Variants in RIC1 observed in about 807,000 individuals in gnomAD.
RIC1 encodes the protein guanine nucleotide exchange factor subunit RIC1.
A neutral mutation model predicts 169.0 loss-of-function variants in RIC1; 88 were observed. The observed-to-expected ratio is 0.52, with a 90% CI of 0.44 to 0.62. The LOEUF (loss-of-function observed/expected upper bound fraction) is 0.62, where lower values mean the gene tolerates loss of function less well. Among genes scored for constraint, RIC1 ranks in the 20% least tolerant of loss-of-function variants. The pLI, the probability that RIC1 is intolerant of heterozygous loss-of-function variation, is 0.00. For missense variants in RIC1, 1,877 were observed against 1,725.5 expected, an observed-to-expected ratio of 1.09 and a Z score of -1.56; for synonymous variants, 790 against 601.5, an observed-to-expected ratio of 1.31 and a Z score of -4.59.
Position 5,692,663 on chromosome 9 carries a change from A to G in RIC1, c.332+2625A>G, listed in dbSNP as rs58470246. Among the ~76,000 whole-genome samples, 867 of 152,122 alleles carry G rather than the reference A, an allele frequency of 5.7e-3. 10 individuals carry two copies. Among genetic ancestry groups the G allele is most frequent in the African/African-American group, 0.02 (823 of 41,536 alleles). On this transcript the variant is annotated intron_variant, in intron 3 of 25. Transcript: ENST00000414202. The stretch of plus-strand genomic sequence containing the variant: ...GTTTCTTGGTTTTTCTGCAGAACCC[A>G]TTTGTACAATGGGAATAAAAATAAC...
intron 2 of RIC1, among the ~76,000 whole-genome samples, chr9:5,660,253 C>G (rs918327609): frequency 6.6e-6 from 1 of 152,156 alleles, no homozygotes; most frequent in Non-Finnish European, 1.5e-5. Context: ...TTCAGTCTAT[C>G]ATCGGGGGAC....
rs751577861 is a variant in RIC1 at position 5,629,362 on chromosome 9, C to G, written c.53C>G (p.Pro18Arg). 6.5e-7 allele frequency: 1 copy of G among 1,534,430 alleles called. No homozygotes were observed. Among genetic ancestry groups the G allele is most frequent in the Non-Finnish European group, 8.7e-7 (1 of 1,146,262 alleles). Residue 18 changes from proline (P) to arginine (R), a missense_variant, in exon 1 of 26, where the codon CCG (proline) becomes CGG (arginine). Physicochemically the swap from Pro to Arg is moderately radical, Grantham distance 103. This residue lies in a region of RIC1 where 1,104 missense variants were observed against 992.0 expected (regional missense o/e 1.11). Transcript: ENST00000414202. ...PKRLLCPLGS[P>R]AEAPFHVQSD... ...AGGCTGCTGTGCCCTCTGGGGAGCCCGGCCGAGGCGCCTTTCCACGTTCAG... is the reference window on the plus strand; with the variant it reads ...AGGCTGCTGTGCCCTCTGGGGAGCCGGGCCGAGGCGCCTTTCCACGTTCAG...
chr9:5,658,448 A>G (rs2130466827), intron 2 of RIC1, among the ~76,000 whole-genome samples: 1 of 152,222 alleles, frequency 6.6e-6, no homozygotes. Context: ...TTTTTGATAA[A>G]TTGACAGATG....
chr9:5,720,342 A>C lies in RIC1; in HGVS notation c.583+18A>C. 1 of 1,604,640 alleles carries C rather than the reference A, an allele frequency of 6.2e-7. No homozygotes were observed. Among genetic ancestry groups the C allele is most frequent in the Non-Finnish European group, 8.5e-7 (1 of 1,175,234 alleles). ...ATCTAGAGGTAGCTATACTTTCTACATGAGGTTGAACCAGTTGTTTAATGT... is the reference window on the plus strand; with the variant it reads ...ATCTAGAGGTAGCTATACTTTCTACCTGAGGTTGAACCAGTTGTTTAATGT... On this transcript the variant is annotated intron_variant, in intron 5 of 25. Transcript: ENST00000414202.
chr9:5,762,414 C>A (rs1826396626), intron 17 of RIC1, 127 bp from the exon 18 acceptor site: 1 of 1,155,940 alleles, frequency 8.7e-7, no homozygotes, highest in Non-Finnish European at 1.2e-6. Flanking sequence ...AGCAGAATGG[C>A]TGTACATAGT....
intron 2 of RIC1, among the ~76,000 whole-genome samples, chr9:5,686,219 C>T (rs1821210564): frequency 6.6e-6 from 1 of 151,538 alleles, no homozygotes; most frequent in East Asian, 2.0e-4. Context: ...GTCAGTGTGG[C>T]GATTCCTCAG....
intron 2 of RIC1, among the ~76,000 whole-genome samples, chr9:5,663,213 C>A (rs549133519): frequency 1.3e-5 from 2 of 152,086 alleles, no homozygotes; most frequent in Non-Finnish European, 2.9e-5. Flanking sequence ...CATTTCAGTT[C>A]TTTTGCATTT....
At chr9:5,647,187 C>T (rs961295838) in intron 1 of RIC1, among the ~76,000 whole-genome samples, 1 of 152,104 alleles carries the variant, frequency 6.6e-6, no homozygotes, top group Non-Finnish European at 1.5e-5. Flanking sequence ...TATCCTTGTG[C>T]CAGTACGACA....
chr9:5,677,173 C>T (rs1586926829), intron 2 of RIC1, among the ~76,000 whole-genome samples: 1 of 152,312 alleles, frequency 6.6e-6, no homozygotes, highest in East Asian at 1.9e-4. Flanking sequence ...TTTCCTCTAT[C>T]TTTGCCAACA....
chr9:5,733,759 A>T (rs1288972489), intron 7 of RIC1, among the ~76,000 whole-genome samples: 1 of 151,850 alleles, frequency 6.6e-6, no homozygotes, highest in African/African-American at 2.4e-5. Flanking sequence ...ATGTTTGTGG[A>T]TTGGATTCAG....
At chr9:5,650,209 G>A (rs1032206245) in intron 1 of RIC1, among the ~76,000 whole-genome samples, 2 of 152,110 alleles carry the variant, frequency 1.3e-5, no homozygotes, top group African/African-American at 2.4e-5. Flanking sequence ...AGGTGAGTGG[G>A]TAGGTCCTTG....
intron 2 of RIC1, among the ~76,000 whole-genome samples, chr9:5,670,891 G>T (rs980248008): frequency 1.3e-5 from 2 of 152,170 alleles, no homozygotes; most frequent in Non-Finnish European, 2.9e-5. Flanking sequence ...TGGTTAGGGA[G>T]GCAGTCAGAG....
At chr9:5,729,309 C>T (rs374419343) in intron 6 of RIC1, among the ~76,000 whole-genome samples, 13 of 152,228 alleles carry the variant, frequency 8.5e-5, no homozygotes, top group Admixed American at 2.6e-4. Context: ...TTATTGGCTG[C>T]TCAGCTTTGG....
chr9:5,703,828 A>G (rs571094588), intron 3 of RIC1, among the ~76,000 whole-genome samples: 7 of 152,318 alleles, frequency 4.6e-5, no homozygotes, highest in African/African-American at 1.7e-4. Context: ...CAGTCCTGCT[A>G]TGACTAGGAG....
intron 8 of RIC1, among the ~76,000 whole-genome samples, chr9:5,739,290 C>T (rs575483752): frequency 1.3e-5 from 2 of 152,198 alleles, no homozygotes; most frequent in African/African-American, 2.4e-5. Context: ...CAGCTAACCA[C>T]GCAAATCAAC....
intron 6 of RIC1, among the ~76,000 whole-genome samples, chr9:5,731,588 T>C (rs146919056): frequency 1.3e-5 from 2 of 152,320 alleles, no homozygotes; most frequent in East Asian, 3.9e-4. Flanking sequence ...TGCCTTGGAA[T>C]TTATCATCTA....
At chr9:5,759,864 A>G (rs1380915477) in intron 17 of RIC1, among the ~76,000 whole-genome samples, 3 of 152,186 alleles carry the variant, frequency 2.0e-5, no homozygotes, top group Non-Finnish European at 1.5e-5. Flanking sequence ...AGTTCATTAT[A>G]CTATTCTCCA....
chr9:5,682,491 C>G (rs1424866281), intron 2 of RIC1, among the ~76,000 whole-genome samples: 1 of 152,164 alleles, frequency 6.6e-6, no homozygotes, highest in Non-Finnish European at 1.5e-5. Context: ...TTGGCCCTCA[C>G]TCTCTTCTGG....
intron 1 of RIC1, among the ~76,000 whole-genome samples, chr9:5,633,841 C>A (rs1195146578): frequency 6.6e-6 from 1 of 152,058 alleles, no homozygotes; most frequent in Non-Finnish European, 1.5e-5. Context: ...CATTAGGTCC[C>A]CAGAACGTAT....
Sources: allele counts gnomAD v4.1 joint callset (sites outside exome capture counted in the v4.1 genomes callset), GRCh38; gene constraint gnomAD v4.1.1; regional missense constraint gnomAD v4.1.1; transcripts MANE v1.5; gene names NCBI Gene and HGNC (gene_info 2026-07-23, HGNC 2026-07-21).